The following RPS6KC1 variants were observed in gnomAD, a reference collection of about 807,000 sequenced individuals.
The protein encoded by RPS6KC1 is ribosomal protein S6 kinase C1.
Under a neutral mutation model 103.8 loss-of-function variants are expected in RPS6KC1, and 54 were observed. The observed-to-expected ratio is 0.52, with a 90% CI of 0.42 to 0.65. The LOEUF (loss-of-function observed/expected upper bound fraction) is 0.65. Ranked by LOEUF, RPS6KC1 falls within the 30% of genes least tolerant of loss-of-function variation. RPS6KC1 has a pLI of 0.00. For missense variants in RPS6KC1, 1,151 were observed against 1,253.8 expected, an observed-to-expected ratio of 0.92 and a Z score of 1.24; for synonymous variants, 439 against 438.7, an observed-to-expected ratio of 1.00 and a Z score of -0.01.
the RPS6KC1 span, among the ~76,000 whole-genome samples, chr1:213,356,695 C>T: frequency 1.3e-5 from 2 of 152,160 alleles, no homozygotes; most frequent in Admixed American, 6.5e-5. Flanking sequence ...CCCCAGATAA[C>T]GTCATAGACA....
At chr1:213,817,765 C>T in the RPS6KC1 span, 2 of 151,906 alleles carry the variant, frequency 1.3e-5, no homozygotes, top group African/African-American at 4.8e-5. Flanking sequence ...TTTTATTACA[C>T]TTTTCTTTAT....
chr1:213,360,781 G>A, the RPS6KC1 span, among the ~76,000 whole-genome samples: 1 of 152,212 alleles, frequency 6.6e-6, no homozygotes, highest in East Asian at 1.9e-4. Flanking sequence ...CTAACAGTCA[G>A]GACCCTCAGC....
In RPS6KC1 at chr1:213,130,782, G is replaced by A. The variant is rs561761923; in HGVS notation, c.835+893G>A. Among the ~76,000 whole-genome samples the A allele has an allele frequency of 7.9e-5, 12 of 152,198 alleles. No homozygotes were observed. The East Asian group carries it at 1.9e-3, about 24-fold the overall frequency. ...CTAACTGCTTCTTAACCAGGATTTTGACCATTTCTCTTGTTTTTAGGTTTC... is the reference window on the plus strand; with the variant it reads ...CTAACTGCTTCTTAACCAGGATTTTAACCATTTCTCTTGTTTTTAGGTTTC... On this transcript the variant is annotated intron_variant, in intron 6 of 14. Transcript: ENST00000366960.
the RPS6KC1 span, among the ~76,000 whole-genome samples, chr1:213,545,266 G>A: frequency 1.3e-5 from 2 of 151,936 alleles, no homozygotes; most frequent in African/African-American, 4.8e-5. Context: ...AGCTACTCAG[G>A]AGGCTGAGGC....
Position 213,051,282 on chromosome 1 carries a change from G to GCCGCCTTGGAGCCA in RPS6KC1, c.-117_-104dup, listed in dbSNP as rs1186137574. 1.8e-5 allele frequency: 12 copies of GCCGCCTTGGAGCCA among 669,114 alleles called. No individual in the cohort carries two copies. Among genetic ancestry groups the GCCGCCTTGGAGCCA allele is most frequent in the Admixed American group, 5.6e-5 (2 of 35,678 alleles). The allele number at this position is 669,114 out of a possible 1,614,324, so 41.4% of individuals were successfully genotyped here. ...TGTGCAGCTGAGGCGCCGCCGTGGA[G>GCCGCCTTGGAGCCA]CCGCCTTGGAGCCACCGCCCCCTCG... On this transcript the variant is annotated 5_prime_UTR_variant, in exon 1 of 15. Transcript: ENST00000366960.
At chr1:213,429,015 A>C in the RPS6KC1 span, 1 of 152,154 alleles carries the variant, frequency 6.6e-6, no homozygotes. Context: ...CTTTCTGGTC[A>C]CCACTTCATT....
chr1:213,479,404 C>T, the RPS6KC1 span, among the ~76,000 whole-genome samples: 1 of 151,948 alleles, frequency 6.6e-6, no homozygotes, highest in African/African-American at 2.4e-5. Context: ...TAGGCTTTTA[C>T]ATTTTGGTTA....
chr1:213,334,281 G>C, the RPS6KC1 span, among the ~76,000 whole-genome samples: 1 of 152,192 alleles, frequency 6.6e-6, no homozygotes, highest in African/African-American at 2.4e-5. Flanking sequence ...ACATACAGGT[G>C]CTTCCAAATT....
At chr1:213,861,658 C>G in the RPS6KC1 span, among the ~76,000 whole-genome samples, 11 of 152,320 alleles carry the variant, frequency 7.2e-5, no homozygotes, top group African/African-American at 2.6e-4. Flanking sequence ...ACACCACTAT[C>G]GCTTCCTCAG....
the RPS6KC1 span, among the ~76,000 whole-genome samples, chr1:213,306,341 A>G: frequency 6.6e-6 from 1 of 152,232 alleles, no homozygotes; most frequent in Non-Finnish European, 1.5e-5. Flanking sequence ...TGAATTATCA[A>G]AAAAACCCTT....
chr1:213,155,998 C>T (rs1434908724), intron 6 of RPS6KC1, among the ~76,000 whole-genome samples: 1 of 152,154 alleles, frequency 6.6e-6, no homozygotes, highest in East Asian at 1.9e-4. Context: ...CAAAATGTTA[C>T]CATTCATGCA....
At position 213,241,915 on chromosome 1, in the gene RPS6KC1, C is replaced by T. The variant is rs954701701; in HGVS notation, c.2439C>T (p.Asn813=). 1 of 1,614,034 alleles carries T rather than the reference C, an allele frequency of 6.2e-7. No homozygotes were observed. Among genetic ancestry groups the T allele is most frequent in the Admixed American group, 1.7e-5 (1 of 59,970 alleles). ...GVVESAVTAN[N]TEESLFRICS... is the part of the protein sequence containing the mutation. Reference sequence around the variant, plus strand: ...TTGAGTCAGCAGTAACTGCAAACAACACAGAAGAAAGCTTATTCCGTATTT... The same window carrying T: ...TTGAGTCAGCAGTAACTGCAAACAATACAGAAGAAAGCTTATTCCGTATTT... Residue 813 remains asparagine, a synonymous_variant, in exon 11 of 15, where the codon AAC becomes AAT. Transcript: ENST00000366960.
intron 8 of RPS6KC1, among the ~76,000 whole-genome samples, chr1:213,217,102 C>T (rs1018406625): frequency 6.6e-6 from 1 of 151,384 alleles, no homozygotes; most frequent in Non-Finnish European, 1.5e-5. Flanking sequence ...TTGAAAAGAT[C>T]AACAAAATTG....
the RPS6KC1 span, among the ~76,000 whole-genome samples, chr1:213,627,066 T>C: frequency 3.3e-5 from 5 of 152,190 alleles, no homozygotes; most frequent in Non-Finnish European, 5.9e-5. Context: ...GAGCATGGAA[T>C]GTTCTTCCAT....
At chr1:213,214,620 AC>A (rs966263728) in intron 8 of RPS6KC1, among the ~76,000 whole-genome samples, 1 of 151,988 alleles carries the variant, frequency 6.6e-6, no homozygotes, top group Admixed American at 6.5e-5. Context: ...ACTGGGAGGC[AC>A]CCCCCAGTAG....
At chr1:213,387,216 A>G in the RPS6KC1 span, among the ~76,000 whole-genome samples, 6 of 152,216 alleles carry the variant, frequency 3.9e-5, no homozygotes, top group African/African-American at 1.4e-4. Context: ...TGCTGGAGGG[A>G]GTTGTATCCA....
the RPS6KC1 span, among the ~76,000 whole-genome samples, chr1:213,653,213 CT>C: frequency 6.6e-6 from 1 of 152,194 alleles, no homozygotes. Context: ...AATCCCACCA[CT>C]TTGGGAGGTC....
the RPS6KC1 span, among the ~76,000 whole-genome samples, chr1:213,795,827 G>T: frequency 7.6e-3 from 1,154 of 152,004 alleles, 15 homozygotes; most frequent in African/African-American, 0.027. Flanking sequence ...CGCTGGTTTC[G>T]TCTCTTAGCT....
At chr1:213,154,921 G>C (rs963725961) in intron 6 of RPS6KC1, among the ~76,000 whole-genome samples, 1 of 152,218 alleles carries the variant, frequency 6.6e-6, no homozygotes, top group African/African-American at 2.4e-5. Flanking sequence ...GTAGTACCTG[G>C]GTAATGTTGC....
Sources: allele counts gnomAD v4.1 joint callset (sites outside exome capture counted in the v4.1 genomes callset), GRCh38; gene constraint gnomAD v4.1.1; transcripts MANE v1.5; gene names NCBI Gene and HGNC (gene_info 2026-07-23, HGNC 2026-07-21).